The following MOV10L1 variants were observed in gnomAD, a reference collection of about 807,000 sequenced individuals.
MOV10L1 encodes the protein RNA helicase Mov10l1.
MOV10L1 carries 110 observed loss-of-function variants against 143.8 expected under a neutral mutation model. The ratio of observed to expected loss-of-function variants is 0.76; its 90% CI spans 0.66 to 0.90. The LOEUF (loss-of-function observed/expected upper bound fraction) is 0.90. MOV10L1 is among the 40% of genes least tolerant of loss of function. The pLI is 0.00. For synonymous variants in MOV10L1, 593 were observed against 581.1 expected, an observed-to-expected ratio of 1.02 and a Z score of -0.29; for missense variants, 1,406 against 1,526.8, an observed-to-expected ratio of 0.92 and a Z score of 1.32.
At chr22:50,145,628 C>T (rs2063131892) in intron 18 of MOV10L1, 61 bp from the exon 19 acceptor site, 5 of 1,599,254 alleles carry the variant, frequency 3.1e-6, no homozygotes, top group Non-Finnish European at 4.3e-6. Context: ...GCAAGGTTCC[C>T]TTTTGGAATT....
intron 10 of MOV10L1, 131 bp from the exon 11 acceptor site, chr22:50,125,261 C>G (rs2062464489): frequency 5.9e-6 from 5 of 849,304 alleles, no homozygotes; most frequent in East Asian, 2.6e-5. Flanking sequence ...CTGCAGACTC[C>G]GGCGAGGATC....
rs1490484948 is a variant in MOV10L1, at chr22:50,145,793, T to G, written c.2610T>G (p.Phe870Leu). ...IITTCSSSGL[F>L]YQIGVRVGHF... ...CCACATGCAGCAGCTCAGGGCTGTT[T>G]TACCAAATAGGAGTGAGGTGAGCCC... is the stretch of plus-strand genomic sequence containing the variant. Residue 870 changes from phenylalanine to leucine, a missense_variant, in exon 19 of 27, where the codon TTT becomes TTG. This residue lies in a region of MOV10L1 where 1,233 missense variants were observed against 1,351.4 expected (regional missense o/e 0.91). Transcript: ENST00000262794. 1.2e-6 allele frequency: 2 copies of G among 1,613,956 alleles called. No homozygotes were observed. Among genetic ancestry groups the G allele is most frequent in the South Asian group, 2.2e-5 (2 of 91,080 alleles).
rs769563161 is a variant in MOV10L1, at chr22:50,142,162, C to T, written c.2152C>T (p.Pro718Ser). 3 of 1,613,150 alleles carry T rather than the reference C, an allele frequency of 1.9e-6. No individual in the cohort carries two copies. The highest frequency in any genetic ancestry group is 1.1e-5 in the South Asian group (1 of 90,994). The change falls in exon 16 of 27, where the codon CCC becomes TCC. Residue 718 changes from proline to serine, a missense_variant. This residue lies in a region of MOV10L1 where 1,233 missense variants were observed against 1,351.4 expected (regional missense o/e 0.91). Transcript: ENST00000262794. ...TGACAAGGACCTGCCGGTGCTGGCA[C>T]CCTTTACTGCAGAGATGAGCGATTG... Reference protein sequence around the residue: ...VGDKDLPVLAPFTAEMSDWVD... With the variant: ...VGDKDLPVLASFTAEMSDWVD...
chr22:50,100,712 G>A (rs541385012), intron 3 of MOV10L1, among the ~76,000 whole-genome samples: 96 of 152,022 alleles, frequency 6.3e-4, no homozygotes, highest in African/African-American at 2.0e-3. Flanking sequence ...TCACCATGTT[G>A]GCCAGTCTGG....
In MOV10L1 at chr22:50,090,029, G is replaced by T; in HGVS notation, c.-60G>T. 8.6e-7 allele frequency: 1 copy of T among 1,160,830 alleles called. No homozygotes were observed. 71.9% of individuals were successfully genotyped at this position (1,160,830 alleles called of 1,614,324 possible). A position where few individuals can be genotyped will look rare whatever the true frequency, so the allele number is the denominator to read the frequency against. Reference sequence around the variant, plus strand: ...CCATTGGTGGCGGGCGGCGGGAGCGGCGCGGGCGCGTGCGGGCGGCGGCAG... The same window carrying T: ...CCATTGGTGGCGGGCGGCGGGAGCGTCGCGGGCGCGTGCGGGCGGCGGCAG... On this transcript the variant is annotated 5_prime_UTR_variant, in exon 1 of 27. Transcript: ENST00000262794.
chr22:50,104,484 A>C (rs1416067194), intron 3 of MOV10L1, among the ~76,000 whole-genome samples: 1 of 152,210 alleles, frequency 6.6e-6, no homozygotes, highest in Non-Finnish European at 1.5e-5. Context: ...TCACAGCCGG[A>C]GCTACAGCCA....
intron 7 of MOV10L1, 79 bp downstream of exon 7, chr22:50,114,701 G>A (rs1243141161): frequency 2.1e-5 from 33 of 1,562,916 alleles, no homozygotes; most frequent in South Asian, 8.5e-5. Flanking sequence ...GACAGAGGGC[G>A]GGCAGCAGGG....
At chr22:50,142,703 G>T (rs1229277795) in intron 16 of MOV10L1, among the ~76,000 whole-genome samples, 1 of 151,916 alleles carries the variant, frequency 6.6e-6, no homozygotes, top group Non-Finnish European at 1.5e-5. Context: ...AGGTGTGGTG[G>T]TGGGCGCCTG....
intron 19 of MOV10L1, among the ~76,000 whole-genome samples, chr22:50,149,200 G>A (rs148926984): frequency 6.2e-4 from 94 of 152,362 alleles, no homozygotes; most frequent in Non-Finnish European, 1.0e-3. Flanking sequence ...CGAGAGACAC[G>A]TGGGAGGTGG....
In MOV10L1 at chr22:50,144,944, T is replaced by C. The variant is rs113847364; in HGVS notation, c.2505+701T>C. On this transcript the variant is annotated intron_variant, in intron 18 of 26. Transcript: ENST00000262794. ...GTTATAGAGCGAAGTATTGCTTTTA[T>C]TTTTTTGTTTGTTTGAGACAGAGTT... is the stretch of plus-strand genomic sequence containing the variant. 1.1e-4 allele frequency among the ~76,000 whole-genome samples: 17 copies of C among 152,040 alleles called. 1 individual carries two copies. Among genetic ancestry groups the C allele is most frequent in the African/African-American group, 4.1e-4 (17 of 41,432 alleles).
At chr22:50,147,510 C>G (rs1317487473) in intron 19 of MOV10L1, among the ~76,000 whole-genome samples, 1 of 46,070 alleles carries the variant, frequency 2.2e-5, no homozygotes, top group African/African-American at 1.0e-4. Flanking sequence ...AGGGAGGGTG[C>G]TGCAGGCCGC....
chr22:50,112,050 A>G (rs553128805), intron 5 of MOV10L1, among the ~76,000 whole-genome samples: 1 of 152,252 alleles, frequency 6.6e-6, no homozygotes, highest in South Asian at 2.1e-4. Context: ...CGGAGGGTGG[A>G]CTTGGGGCTG....
intron 14 of MOV10L1, 135 bp downstream of exon 14, chr22:50,134,200 T>G: frequency 1.5e-6 from 1 of 675,512 alleles, no homozygotes; most frequent in South Asian, 2.8e-5. Flanking sequence ...TGTTTTTAAT[T>G]TTCTATCAAG....
At chr22:50,157,565 C>T (rs1020713212) in intron 22 of MOV10L1, among the ~76,000 whole-genome samples, 3 of 152,092 alleles carry the variant, frequency 2.0e-5, no homozygotes, top group Admixed American at 1.3e-4. Context: ...CTAGTTTTTC[C>T]AGCAGCGTTG....
At chr22:50,105,151 C>G (rs375310282) in intron 3 of MOV10L1, among the ~76,000 whole-genome samples, 28 of 152,246 alleles carry the variant, frequency 1.8e-4, no homozygotes, top group African/African-American at 6.3e-4. Flanking sequence ...TTAGTAAACT[C>G]AAAGCAAAAT....
rs1451723249 is a variant in MOV10L1 at position 50,113,958 on chromosome 22, G to GCCC, written c.884+171_884+173dup. Among the ~76,000 whole-genome samples the GCCC allele has an allele frequency of 2.9e-3, 366 of 126,656 alleles. 1 individual carries two copies. The highest frequency in any genetic ancestry group is 0.011 in the African/African-American group (346 of 32,058). 83.1% of individuals were successfully genotyped at this position (126,656 alleles called of 152,430 possible). A position where few individuals can be genotyped will look rare whatever the true frequency, so the allele number is the denominator to read the frequency against. On this transcript the variant is annotated intron_variant, in intron 6 of 26. Transcript: ENST00000262794. ...TTTTGAGACAGCGTCTTGCTCCGTC[G>GCCC]CCCGGGCTGGAGTGCAGTGGCGCGA...
At chr22:50,090,489 C>T (rs1428531719) in intron 1 of MOV10L1, 3 of 1,610,322 alleles carry the variant, frequency 1.9e-6, no homozygotes, top group Non-Finnish European at 1.7e-6. Flanking sequence ...TCGTTCCTCC[C>T]TGTCCGCAGC....
chr22:50,095,478 G>T (rs1212825509), intron 2 of MOV10L1: 1 of 152,064 alleles, frequency 6.6e-6, no homozygotes, highest in Non-Finnish European at 1.5e-5. Context: ...GTATTTAAAG[G>T]AGTACTCTGG....
intron 12 of MOV10L1, among the ~76,000 whole-genome samples, chr22:50,126,857 G>A (rs2062522047): frequency 6.6e-6 from 1 of 152,220 alleles, no homozygotes; most frequent in Admixed American, 6.5e-5. Flanking sequence ...TCAGAAGGAA[G>A]AAGGGCTGAG....
Sources: allele counts gnomAD v4.1 joint callset (sites outside exome capture counted in the v4.1 genomes callset), GRCh38; gene constraint gnomAD v4.1.1; regional missense constraint gnomAD v4.1.1; transcripts MANE v1.5; gene names NCBI Gene and HGNC (gene_info 2026-07-23, HGNC 2026-07-21).